Variants in CACNA1B observed in about 807,000 individuals in gnomAD.
The protein encoded by CACNA1B is voltage-dependent N-type calcium channel subunit alpha-1B.
Under a neutral mutation model 247.2 loss-of-function variants are expected in CACNA1B, and 70 were observed. The ratio of observed to expected loss-of-function variants is 0.28; its 90% CI spans 0.23 to 0.35. The LOEUF is 0.35. CACNA1B is among the 10% of genes least tolerant of loss of function. The pLI is 1.00. For missense variants in CACNA1B, 2,367 were observed against 3,197.4 expected (o/e 0.74, Z 6.26); for synonymous variants, 1,231 against 1,294.4 (o/e 0.95, Z 1.05).
intron 36 of CACNA1B, among the ~76,000 whole-genome samples, chr9:138,094,560 A>G (rs1008574318): frequency 2.6e-5 from 4 of 152,236 alleles, no homozygotes; most frequent in Middle Eastern, 3.4e-3. Context: ...CCCTTATATC[A>G]TGGTCAAATA....
At chr9:137,956,432 C>T (rs373580913) in intron 8 of CACNA1B, among the ~76,000 whole-genome samples, 16 of 152,248 alleles carry the variant, frequency 1.1e-4, no homozygotes, top group African/African-American at 3.9e-4. Context: ...CCGAGGTGGG[C>T]GGATCACCTG....
In CACNA1B at chr9:138,061,568, G is replaced by A. The variant is rs185972070; in HGVS notation, c.4668+1831G>A. On this transcript the variant is annotated intron_variant, in intron 31 of 46. Transcript: ENST00000371372. ...TTAAGGTCAGGGCAGCGTCTCCTAA[G>A]TGGTGTTGCGTTAGATGATCCAGTG... Among the ~76,000 whole-genome samples the A allele has an allele frequency of 2.0e-5, 3 of 152,306 alleles. No homozygotes were observed. In the East Asian group the frequency reaches 5.8e-4, roughly 29 times the overall value.
chr9:138,115,777 A>T, intron 42 of CACNA1B, 98 bp downstream of exon 42: 4 of 1,290,056 alleles, frequency 3.1e-6, no homozygotes, highest in Non-Finnish European at 4.3e-6. Context: ...CCTGGCCCTC[A>T]CTTCCACTGG....
chr9:138,113,752 C>T (rs1961748810), intron 40 of CACNA1B, among the ~76,000 whole-genome samples: 1 of 143,028 alleles, frequency 7.0e-6, no homozygotes, highest in Non-Finnish European at 1.5e-5. Flanking sequence ...CCAACTCCTC[C>T]TTGTGGGAGA....
In CACNA1B at chr9:138,058,282, G is replaced by A. The variant is rs1300892764; in HGVS notation, c.4308+32G>A. The A allele has an allele frequency of 6.5e-7, 1 of 1,546,060 alleles. No individual in the cohort carries two copies. The highest frequency in any genetic ancestry group is 1.4e-5 in the African/African-American group (1 of 73,352). On this transcript the variant is annotated intron_variant, in intron 28 of 46. Coordinates refer to ENST00000371372, the MANE Select transcript of CACNA1B (RefSeq NM_000718.4). This position sits in a 1 kb window ranked among gnomAD's most constrained non-coding sequence, Gnocchi z 4.7. Reference sequence around the variant, plus strand: ...GGACGCTCTGTGGAGTCTTGCAGTGGACAGCGTGGGCAGCGCCATCAGGCT... The same window carrying A: ...GGACGCTCTGTGGAGTCTTGCAGTGAACAGCGTGGGCAGCGCCATCAGGCT...
chr9:137,929,640 T>G (rs1422581415), intron 6 of CACNA1B, among the ~76,000 whole-genome samples: 1 of 152,152 alleles, frequency 6.6e-6, no homozygotes, highest in Non-Finnish European at 1.5e-5. Flanking sequence ...AGTTTTGACT[T>G]GCATTTCTAA....
Position 138,121,731 on chromosome 9 carries a change from G to T in CACNA1B, c.6752G>T (p.Gly2251Val), listed in dbSNP as rs1392258837. 1.2e-6 allele frequency: 2 copies of T among 1,613,222 alleles called. No homozygotes were observed. The highest frequency in any genetic ancestry group is 2.7e-5 in the African/African-American group (2 of 74,910). ...RDPLSQPLAP[G>V]SRIGSDPYLG... ...CCCCTCAGCCAGCCCCTGGCCCCTG[G>T]CTCTCGAATTGGCTCTGACCCTTAC... The change falls in exon 47 of 47, where the codon GGC (glycine) becomes GTC (valine). Residue 2251 changes from glycine to valine, a missense_variant. Transcript: ENST00000371372. This position sits in a 1 kb window ranked among gnomAD's most constrained non-coding sequence, Gnocchi z 6.8.
At chr9:137,879,907 C>G (rs1367575980) in intron 2 of CACNA1B, among the ~76,000 whole-genome samples, 1 of 152,114 alleles carries the variant, frequency 6.6e-6, no homozygotes, top group Non-Finnish European at 1.5e-5. Flanking sequence ...CCCCACTCTT[C>G]CCTGATGCCT....
At chr9:137,921,963 G>A (rs13290415) in intron 6 of CACNA1B, among the ~76,000 whole-genome samples, 10 of 145,010 alleles carry the variant, frequency 6.9e-5, no homozygotes, top group South Asian at 2.2e-4. Context: ...TGGGAGCAGA[G>A]TAAAGTGTTC....
chr9:138,037,941 T>A (rs1205769190), intron 20 of CACNA1B, among the ~76,000 whole-genome samples: 1 of 152,232 alleles, frequency 6.6e-6, no homozygotes, highest in African/African-American at 2.4e-5. Context: ...AATTTCATGA[T>A]TCTTTCTGTG....
At chr9:138,032,669 C>CT (rs778455760) in intron 20 of CACNA1B, 119 of 446,732 alleles carry the variant, frequency 2.7e-4, no homozygotes, top group Middle Eastern at 1.8e-3. Flanking sequence ...GTTGACAGTT[C>CT]TTTTTTTTTC....
At position 137,936,735 on chromosome 9, in the gene CACNA1B, G is replaced by A. The variant is rs573451774; in HGVS notation, c.967-15539G>A. ...TTCCCAGCACCATTTATTAAATAGGGAATCCTTTCCCCATTTCTTGTTTTT... is the reference window on the plus strand; with the variant it reads ...TTCCCAGCACCATTTATTAAATAGGAAATCCTTTCCCCATTTCTTGTTTTT... On this transcript the variant is annotated intron_variant, in intron 6 of 46. Coordinates refer to ENST00000371372, the MANE Select transcript of CACNA1B (RefSeq NM_000718.4). 2.0e-5 allele frequency among the ~76,000 whole-genome samples: 3 copies of A among 152,244 alleles called. No homozygotes were observed. In the South Asian group the frequency reaches 6.2e-4, roughly 32 times the overall value.
At chr9:138,093,403 C>CAAA (rs58608297) in intron 36 of CACNA1B, among the ~76,000 whole-genome samples, 425 of 41,718 alleles carry the variant, frequency 0.01, no homozygotes, top group Non-Finnish European at 0.012. Context: ...GACTCTGTCT[C>CAAA]AAAAAAAAAA....
At chr9:138,115,274 GT>G (rs753465989) in intron 41 of CACNA1B, among the ~76,000 whole-genome samples, 5 of 152,196 alleles carry the variant, frequency 3.3e-5, no homozygotes, top group Non-Finnish European at 7.3e-5. Context: ...GGAAACTGAG[GT>G]TTTGAGAGGT....
At chr9:138,070,245 C>T (rs1286186682) in intron 32 of CACNA1B, among the ~76,000 whole-genome samples, 1 of 152,180 alleles carries the variant, frequency 6.6e-6, no homozygotes, top group Non-Finnish European at 1.5e-5. Context: ...CTGTAGCTTC[C>T]GTCCTTCCTG....
intron 6 of CACNA1B, among the ~76,000 whole-genome samples, chr9:137,918,966 C>T (rs1332286711): frequency 6.6e-6 from 1 of 152,202 alleles, no homozygotes; most frequent in Non-Finnish European, 1.5e-5. Flanking sequence ...GGAACAATTC[C>T]CACAAAGACA....
intron 20 of CACNA1B, among the ~76,000 whole-genome samples, chr9:138,026,358 G>T (rs1958921035): frequency 2.0e-5 from 3 of 152,158 alleles, no homozygotes; most frequent in Admixed American, 6.5e-5. Context: ...GGATCAGCTT[G>T]AGGATGAGCC....
At chr9:137,984,555 T>G (rs1449766069) in intron 13 of CACNA1B, among the ~76,000 whole-genome samples, 1 of 152,158 alleles carries the variant, frequency 6.6e-6, no homozygotes, top group Non-Finnish European at 1.5e-5. Context: ...CCTTCAAAGG[T>G]GACTTTGCTT....
rs759822746 is a variant in CACNA1B, at chr9:137,880,909, C to T, written c.390+1750C>T. On this transcript the variant is annotated intron_variant, in intron 2 of 46. Transcript: ENST00000371372. The surrounding 1 kb of genome is among the most constrained non-coding windows in gnomAD (Gnocchi z 4.8). Reference sequence around the variant, plus strand: ...TCGGGGCTGTTTCCCACCTCCCCGTCGACTCTGGAGCTACCTCGAGCCAGG... The same window carrying T: ...TCGGGGCTGTTTCCCACCTCCCCGTTGACTCTGGAGCTACCTCGAGCCAGG... Among the ~76,000 whole-genome samples, 6 of 152,110 alleles carry T rather than the reference C, an allele frequency of 3.9e-5. No individual in the cohort carries two copies. Among genetic ancestry groups the T allele is most frequent in the Admixed American group, 1.3e-4 (2 of 15,284 alleles).
Sources: allele counts gnomAD v4.1 joint callset (sites outside exome capture counted in the v4.1 genomes callset), GRCh38; gene constraint gnomAD v4.1.1; non-coding constraint Gnocchi (gnomAD v3.1); transcripts MANE v1.5; gene names NCBI Gene and HGNC (gene_info 2026-07-23, HGNC 2026-07-21).